Variants in L3MBTL4 observed in about 807,000 individuals in gnomAD.
The protein encoded by L3MBTL4 is lethal(3)malignant brain tumor-like protein 4.
L3MBTL4 carries 70 observed loss-of-function variants against 84.5 expected under a neutral mutation model. The ratio of observed to expected loss-of-function variants is 0.83; its 90% CI spans 0.68 to 1.01. L3MBTL4 has a LOEUF of 1.01. Ranked by LOEUF, L3MBTL4 falls within the 50% of genes least tolerant of loss-of-function variation. The probability of loss-of-function intolerance (pLI) is 0.00; values close to 1 mark genes in which losing one functional copy is unlikely to be tolerated. For synonymous variants in L3MBTL4, 274 were observed against 259.8 expected (o/e 1.05, Z -0.52); for missense variants, 715 against 754.8 (o/e 0.95, Z 0.62).
chr18:6,336,427 A>G (rs2052342698), intron 1 of L3MBTL4, among the ~76,000 whole-genome samples: 1 of 152,192 alleles, frequency 6.6e-6, no homozygotes, highest in African/African-American at 2.4e-5. Flanking sequence ...ATATTTAGCA[A>G]GGTAAGCAAA....
At chr18:5,964,027 C>T (rs1348640350) in intron 17 of L3MBTL4, among the ~76,000 whole-genome samples, 2 of 152,216 alleles carry the variant, frequency 1.3e-5, no homozygotes, top group African/African-American at 2.4e-5. Flanking sequence ...GGCTTTGGCT[C>T]TGGGCAGTGC....
Position 6,239,822 on chromosome 18 carries a change from C to A in L3MBTL4, c.603G>T (p.Val201=). 6.2e-7 allele frequency: 1 copy of A among 1,614,130 alleles called. No individual in the cohort carries two copies. Among genetic ancestry groups the A allele is most frequent in the Middle Eastern group, 1.6e-4 (1 of 6,062 alleles). The change falls in exon 9 of 19, where the codon GTG becomes GTT. Residue 201 remains valine (V), a synonymous_variant. Transcript: ENST00000317931. ...ACACCAAGGAAGGGTTCTTCCTGTC[C>A]ACGGCCTCCAGCTTCATTCCAACCT... ...EFQVGMKLEA[V]DRKNPSLVCV...
chr18:6,391,160 G>A (rs1389987419), intron 1 of L3MBTL4, among the ~76,000 whole-genome samples: 1 of 152,048 alleles, frequency 6.6e-6, no homozygotes, highest in Non-Finnish European at 1.5e-5. Flanking sequence ...TTCATCCCAG[G>A]GATGCAAGAA....
chr18:6,255,126 A>G (rs1458871123), intron 5 of L3MBTL4, among the ~76,000 whole-genome samples: 1 of 152,244 alleles, frequency 6.6e-6, no homozygotes, highest in African/African-American at 2.4e-5. Flanking sequence ...AACTCTTCCC[A>G]GAGAAAATAG....
At chr18:6,303,464 A>T (rs1001151732) in intron 3 of L3MBTL4, among the ~76,000 whole-genome samples, 1 of 152,250 alleles carries the variant, frequency 6.6e-6, no homozygotes, top group African/African-American at 2.4e-5. Context: ...ACTAATTATC[A>T]TCAGAGAATG....
intron 5 of L3MBTL4, among the ~76,000 whole-genome samples, chr18:6,252,969 C>T (rs969993219): frequency 2.0e-5 from 3 of 152,132 alleles, no homozygotes; most frequent in South Asian, 2.1e-4. Context: ...TTTGGGAGGC[C>T]GAGGCGAGCA....
At chr18:6,352,035 G>A (rs1023147780) in intron 1 of L3MBTL4, among the ~76,000 whole-genome samples, 1 of 152,046 alleles carries the variant, frequency 6.6e-6, no homozygotes, top group African/African-American at 2.4e-5. Flanking sequence ...TATTTTCTGG[G>A]TATTATACTA....
rs1019280436 is a variant in L3MBTL4, at chr18:6,143,248, T to C, written c.1097-4952A>G. On this transcript the variant is annotated intron_variant, in intron 13 of 18. Coordinates refer to ENST00000317931, the MANE Select transcript of L3MBTL4 (RefSeq NM_001330559.2). The stretch of plus-strand genomic sequence containing the variant: ...ATTTATCAATGCATATTTATCTCCA[T>C]ATCCCTGATAGGTACCATCATTCTC... 8.5e-5 allele frequency among the ~76,000 whole-genome samples: 13 copies of C among 152,196 alleles called. No homozygotes were observed. In the East Asian group the frequency reaches 2.3e-3, roughly 27 times the overall value.
intron 3 of L3MBTL4, 30 bp from the exon 4 acceptor site, chr18:6,301,987 T>C: frequency 6.5e-7 from 1 of 1,539,780 alleles, no homozygotes; most frequent in Non-Finnish European, 9.0e-7. Flanking sequence ...GTTTAGATGG[T>C]ATTGCTGGAT....
chr18:6,206,926 A>G (rs1343938938), intron 12 of L3MBTL4, among the ~76,000 whole-genome samples: 2 of 152,222 alleles, frequency 1.3e-5, no homozygotes, highest in African/African-American at 2.4e-5. Context: ...AACTATTTAT[A>G]CTAAAGGTAA....
At chr18:6,064,877 C>T (rs1320569307) in intron 16 of L3MBTL4, among the ~76,000 whole-genome samples, 3 of 151,992 alleles carry the variant, frequency 2.0e-5, no homozygotes, top group Non-Finnish European at 4.4e-5. Context: ...TTAGGACTTC[C>T]AGTATTATGT....
Position 5,956,368 on chromosome 18 carries a change from A to G in L3MBTL4, c.1697T>C (p.Phe566Ser). The change falls in exon 19 of 19, where the codon TTC (phenylalanine) becomes TCC (serine). Residue 566 changes from phenylalanine (F) to serine (S), a missense_variant. Coordinates refer to ENST00000317931, the MANE Select transcript of L3MBTL4 (RefSeq NM_001330559.2). ...FKKEQIDGKA[F>S]LLLTQTDIVK... is the part of the protein sequence containing the mutation. ...AATGTCCGTCTGTGTCAGAAGCAGGAAGGCTTTGCCATCGATCTGCTGCAA... is the reference window on the plus strand; with the variant it reads ...AATGTCCGTCTGTGTCAGAAGCAGGGAGGCTTTGCCATCGATCTGCTGCAA... The G allele has an allele frequency of 6.2e-7, 1 of 1,614,018 alleles. No homozygotes were observed.
At chr18:6,162,615 A>G (rs899329945) in intron 13 of L3MBTL4, among the ~76,000 whole-genome samples, 13 of 152,214 alleles carry the variant, frequency 8.5e-5, no homozygotes, top group Admixed American at 7.9e-4. Flanking sequence ...TAACCCATTG[A>G]CTCAACTGGC....
Position 6,414,701 on chromosome 18 carries a change from C to T in L3MBTL4, c.-91+100G>A, listed in dbSNP as rs1019831823. ...CCTCGCCGCGGGAGTCGTGCAGGCC[C>T]CTCTACCTGCCCGGGGATGGGGCCA... is the stretch of plus-strand genomic sequence containing the variant. On this transcript the variant is annotated intron_variant, in intron 1 of 18. Transcript: ENST00000317931. This position sits in a 1 kb window ranked among gnomAD's most constrained non-coding sequence, Gnocchi z 5.4. 1 of 151,922 alleles carries T rather than the reference C, an allele frequency of 6.6e-6. No homozygotes were observed. Among genetic ancestry groups the T allele is most frequent in the Admixed American group, 6.6e-5 (1 of 15,254 alleles). 9.4% of individuals were successfully genotyped at this position (151,922 alleles called of 1,614,324 possible). A position where few individuals can be genotyped will look rare whatever the true frequency, so the allele number is the denominator to read the frequency against.
chr18:5,998,572 C>T (rs996088378), intron 16 of L3MBTL4, among the ~76,000 whole-genome samples: 2 of 152,116 alleles, frequency 1.3e-5, no homozygotes, highest in East Asian at 1.9e-4. Context: ...CAAAAGAGGT[C>T]AGCTAATCAT....
At chr18:6,013,514 G>A (rs750456006) in intron 16 of L3MBTL4, among the ~76,000 whole-genome samples, 9 of 152,036 alleles carry the variant, frequency 5.9e-5, no homozygotes, top group Non-Finnish European at 1.0e-4. Flanking sequence ...CCTGCTCACC[G>A]TCTCTCCCCA....
chr18:5,979,067 C>T (rs180933655), intron 16 of L3MBTL4, among the ~76,000 whole-genome samples: 55 of 152,248 alleles, frequency 3.6e-4, no homozygotes, highest in Middle Eastern at 3.4e-3. Context: ...TGACAACCAA[C>T]GGGGCAGGAA....
chr18:6,049,526 T>C (rs2056765679), intron 16 of L3MBTL4, among the ~76,000 whole-genome samples: 1 of 152,234 alleles, frequency 6.6e-6, no homozygotes, highest in African/African-American at 2.4e-5. Flanking sequence ...TATCATGGAA[T>C]ACTATGCAGC....
intron 1 of L3MBTL4, among the ~76,000 whole-genome samples, chr18:6,412,510 G>T (rs2056009893): frequency 6.6e-6 from 1 of 152,126 alleles, no homozygotes; most frequent in South Asian, 2.1e-4. Flanking sequence ...CAGACTGGGT[G>T]CTGGTGCTTC....
Sources: gnomAD v4.1 joint callset for allele counts (sites outside exome capture counted in the v4.1 genomes callset) on GRCh38, gnomAD v4.1.1 for gene constraint, Gnocchi (gnomAD v3.1) non-coding constraint, MANE v1.5 for transcripts, NCBI Gene and HGNC (gene_info 2026-07-23, HGNC 2026-07-21) for gene names.